Variants in JOSD2 observed in about 807,000 individuals in gnomAD.
The protein encoded by JOSD2 is Josephin domain containing 2.
In JOSD2, 20 loss-of-function variants were observed where a neutral mutation model predicts 19.3. The ratio of observed to expected loss-of-function variants is 1.04; its 90% CI spans 0.73 to 1.51. The LOEUF (loss-of-function observed/expected upper bound fraction) is 1.51, where lower values mean the gene tolerates loss of function less well. Ranked by LOEUF, JOSD2 falls within the 40% of genes most tolerant of loss-of-function variation. The pLI is 0.00. For synonymous variants in JOSD2, 118 were observed against 123.7 expected, an observed-to-expected ratio of 0.95 and a Z score of 0.31; for missense variants, 215 against 250.4, an observed-to-expected ratio of 0.86 and a Z score of 0.95.
intron 3 of JOSD2, among the ~76,000 whole-genome samples, chr19:50,507,099 ACCAC>A (rs147346427): frequency 0.28 from 14,321 of 50,572 alleles, 2,309 homozygotes; most frequent in African/African-American, 0.55. Flanking sequence ...TTCACCACCC[ACCAC>A]CCACCCACCC....
chr19:50,507,735 C>T, intron 2 of JOSD2, 36 bp from the exon 3 acceptor site: 1 of 1,589,304 alleles, frequency 6.3e-7, no homozygotes, highest in South Asian at 1.1e-5. Flanking sequence ...AGGTGGGGAC[C>T]CCTGGAAAGG....
rs1280288951 is a variant in JOSD2, at chr19:50,509,108, T to TC, written c.146+1177_146+1178insG. On this transcript the variant is annotated intron_variant, in intron 2 of 4. Transcript: ENST00000598418. Reference sequence around the variant, plus strand: ...TGAGAGATGGTAAAGGAGTGATTTTTTTTTTTTTTTTTTTTGAGACAGTCT... The same window carrying TC: ...TGAGAGATGGTAAAGGAGTGATTTTTCTTTTTTTTTTTTTTTGAGACAGTCT... 2.0e-5 allele frequency among the ~76,000 whole-genome samples: 3 copies of TC among 147,654 alleles called. No homozygotes were observed. In the East Asian group the frequency reaches 5.9e-4, roughly 29 times the overall value.
Position 50,506,115 on chromosome 19 carries a change from G to A in JOSD2, c.*58C>T, listed in dbSNP as rs1979309167. The stretch of plus-strand genomic sequence containing the variant: ...CTGGCCTTTCCCAGGCATGCAGTGT[G>A]CGCAGCCGGAGGGGGATGCGCAGGG... On this transcript the variant is annotated 3_prime_UTR_variant, in exon 5 of 5. Coordinates refer to ENST00000598418, the MANE Select transcript of JOSD2 (RefSeq NM_001270639.2). The A allele has an allele frequency of 2.0e-6, 3 of 1,533,620 alleles. No individual in the cohort carries two copies. In the African/African-American group the frequency reaches 4.1e-5, roughly 21 times the overall value.
At chr19:50,508,187 C>T (rs564604284) in intron 2 of JOSD2, among the ~76,000 whole-genome samples, 8 of 152,232 alleles carry the variant, frequency 5.3e-5, no homozygotes, top group Non-Finnish European at 1.2e-4. Flanking sequence ...GACAAAGTCC[C>T]TGTCCCTCCG....
At chr19:50,510,051 CAAAAA>C in intron 2 of JOSD2, 12 of 226,954 alleles carry the variant, frequency 5.3e-5, no homozygotes, top group South Asian at 6.6e-5. Flanking sequence ...GACTCAGTCT[CAAAAA>C]AAAAAAAAAA....
At chr19:50,507,983 C>T (rs1979488254) in intron 2 of JOSD2, 1 of 497,022 alleles carries the variant, frequency 2.0e-6, no homozygotes, top group Admixed American at 3.4e-5. Context: ...CTGCCCTGTC[C>T]CCAAGTCCTG....
chr19:50,508,827 C>T (rs1229641339), intron 2 of JOSD2, among the ~76,000 whole-genome samples: 2 of 151,648 alleles, frequency 1.3e-5, no homozygotes, highest in African/African-American at 4.9e-5. Flanking sequence ...CTGATGGGTC[C>T]TTGTTGCGAA....
intron 1 of JOSD2, 178 bp downstream of exon 1, chr19:50,510,939 G>A: frequency 2.8e-6 from 1 of 357,328 alleles, no homozygotes; most frequent in Non-Finnish European, 5.7e-6. Context: ...ATGTAGCAGC[G>A]AGGCTCTCTG....
chr19:50,506,519 G>C lies in JOSD2; in HGVS notation c.326C>G (p.Pro109Arg). The part of the protein sequence containing the change: ...PQVLGLILNL[P>R]SPVSLGLLSL... ...CAGCAGCCCCAGCGACACGGGCGAGGGCAGGTTCAGGATCAGCCCCAGTAC... is the reference window on the plus strand; with the variant it reads ...CAGCAGCCCCAGCGACACGGGCGAGCGCAGGTTCAGGATCAGCCCCAGTAC... Residue 109 changes from proline (P) to arginine (R), a missense_variant, in exon 4 of 5, where the codon CCC becomes CGC. Physicochemically the swap from Pro to Arg is moderately radical, Grantham distance 103. Transcript: ENST00000598418. 1 of 1,552,332 alleles carries C rather than the reference G, an allele frequency of 6.4e-7. No individual in the cohort carries two copies. The highest frequency in any genetic ancestry group is 1.2e-5 in the South Asian group (1 of 84,262).
intron 2 of JOSD2, among the ~76,000 whole-genome samples, chr19:50,509,805 G>A (rs192918334): frequency 7.9e-5 from 12 of 151,936 alleles, no homozygotes; most frequent in Admixed American, 4.6e-4. Context: ...TGTAATCCTA[G>A]CACTTTGGGA....
intron 2 of JOSD2, 78 bp from the exon 3 acceptor site, chr19:50,507,777 C>A: frequency 6.5e-7 from 1 of 1,532,280 alleles, no homozygotes; most frequent in Non-Finnish European, 8.8e-7. Context: ...CCAGGGGCCA[C>A]AAGTTGCCTC....
At chr19:50,506,675 TGAGCCCACCCA>T (rs1568700798) in intron 3 of JOSD2, 103 bp from the exon 4 acceptor site, 1 of 1,058,012 alleles carries the variant, frequency 9.5e-7, no homozygotes, top group Non-Finnish European at 1.3e-6. Context: ...GAGGGCCTCC[TGAGCCCACCCA>T]GAGGTGTTCC....
At position 50,506,003 on chromosome 19, in the gene JOSD2, C is replaced by A. The variant is rs1315672847; in HGVS notation, c.*170G>T. 2 of 642,314 alleles carry A rather than the reference C, an allele frequency of 3.1e-6. No individual in the cohort carries two copies. Among genetic ancestry groups the A allele is most frequent in the East Asian group, 2.9e-5 (1 of 34,476 alleles). 39.8% of individuals were successfully genotyped at this position (642,314 alleles called of 1,614,324 possible). ...CGTCAGACACAGGCCAGGCAGGCAGCAAATCAGCAGATTTATTGAGGCAGC... is the reference window on the plus strand; with the variant it reads ...CGTCAGACACAGGCCAGGCAGGCAGAAAATCAGCAGATTTATTGAGGCAGC... On this transcript the variant is annotated 3_prime_UTR_variant, in exon 5 of 5. Transcript: ENST00000598418.
intron 3 of JOSD2, among the ~76,000 whole-genome samples, chr19:50,507,132 C>T (rs979351966): frequency 6.9e-6 from 1 of 144,750 alleles, no homozygotes; most frequent in African/African-American, 2.5e-5. Context: ...AGCCGGCCAC[C>T]ACCCAGCCAG....
At chr19:50,506,685 C>G in intron 3 of JOSD2, 113 bp from the exon 4 acceptor site, 1 of 951,624 alleles carries the variant, frequency 1.1e-6, no homozygotes, top group Admixed American at 3.0e-5. Context: ...TGAGCCCACC[C>G]AGAGGTGTTC....
chr19:50,506,572 C>T lies in JOSD2; in HGVS notation c.273G>A (p.Arg91=), dbSNP rs1001951441. ...GLAAVWWDRR[R]PLSQLALPQV... ...GGGGCAGGGCCAGCTGGGACAGGGG[C>T]CTGTGTGGGCAGGGAGGGGACACTG... Residue 91 remains arginine, a splice_region_variant and synonymous_variant, in exon 4 of 5, where the codon AGG becomes AGA. Transcript: ENST00000598418. The T allele has an allele frequency of 6.6e-7, 1 of 1,524,638 alleles. No homozygotes were observed. The highest frequency in any genetic ancestry group is 8.8e-7 in the Non-Finnish European group (1 of 1,133,118). 94.4% of individuals were successfully genotyped at this position (1,524,638 alleles called of 1,614,324 possible). A position where few individuals can be genotyped will look rare whatever the true frequency, so the allele number is the denominator to read the frequency against.
intron 3 of JOSD2, 127 bp downstream of exon 3, chr19:50,507,447 T>C: frequency 1.5e-6 from 2 of 1,319,694 alleles, no homozygotes; most frequent in Non-Finnish European, 1.0e-6. Context: ...AACCCATCAG[T>C]GCCAGGCTTC....
At position 50,506,369 on chromosome 19, in the gene JOSD2, G is replaced by A; in HGVS notation, c.467+9C>T. The A allele has an allele frequency of 6.2e-7, 1 of 1,605,366 alleles. No homozygotes were observed. The highest frequency in any genetic ancestry group is 8.5e-7 in the Non-Finnish European group (1 of 1,176,214). On this transcript the variant is annotated intron_variant, in intron 4 of 4. Coordinates refer to ENST00000598418, the MANE Select transcript of JOSD2 (RefSeq NM_001270639.2). ...CCCCTGGTCTTGGAATCGCCTCTGT[G>A]GGGCTCACCTGACTCCGTCCTCATC...
rs372457031 is a variant in JOSD2, at chr19:50,507,651, G to A, written c.195C>T (p.Thr65=). Residue 65 remains threonine (T), a synonymous_variant, in exon 3 of 5, where the codon ACC becomes ACT. Transcript: ENST00000598418. ...RLNPHRSLLG[T]GNYDVNVIMA... ...TGATCACATTGACATCATAGTTGCC[G>A]GTGCCCAGGAGGCTGCGATGAGGGT... is the stretch of plus-strand genomic sequence containing the variant. 1.6e-4 allele frequency: 253 copies of A among 1,611,914 alleles called. No individual in the cohort carries two copies. The highest frequency in any genetic ancestry group is 3.3e-4 in the Middle Eastern group (2 of 6,076).
Sources: gnomAD v4.1 joint callset for allele counts (sites outside exome capture counted in the v4.1 genomes callset) on GRCh38, gnomAD v4.1.1 for gene constraint, MANE v1.5 for transcripts, NCBI Gene and HGNC (gene_info 2026-07-23, HGNC 2026-07-21) for gene names.